The following NUP160 variants were observed in gnomAD, a reference collection of about 807,000 sequenced individuals.
NUP160 encodes the protein nucleoporin 160, also known as nuclear pore complex protein Nup160.
Under a neutral mutation model 196.9 loss-of-function variants are expected in NUP160, and 94 were observed. The ratio of observed to expected loss-of-function variants is 0.48; its 90% confidence interval spans 0.40 to 0.57. NUP160 has a LOEUF of 0.57. Ranked by LOEUF, NUP160 falls within the 20% of genes least tolerant of loss-of-function variation. NUP160 has a pLI of 0.00. For missense variants in NUP160, 1,638 were observed against 1,748.3 expected, an observed-to-expected ratio of 0.94 and a Z score of 1.13; for synonymous variants, 605 against 619.7, an observed-to-expected ratio of 0.98 and a Z score of 0.35.
In NUP160 at chr11:47,827,183, G is replaced by A. The variant is rs116768087; in HGVS notation, c.1102-5019C>T. 3.4e-3 allele frequency: 1,563 copies of A among 455,616 alleles called. 21 individuals carry two copies. The highest frequency in any genetic ancestry group is 0.027 in the African/African-American group (1,377 of 50,098). The allele number at this position is 455,616 out of a possible 1,614,324, so 28.2% of individuals were successfully genotyped here. A position where few individuals can be genotyped will look rare whatever the true frequency, so the allele number is the denominator to read the frequency against. ...GGAGTTTGAGACCAGGCAACATGGC[G>A]AAACCCCGTCTCTACCAAAAATACA... On this transcript the variant is annotated intron_variant, in intron 7 of 35. Coordinates refer to ENST00000378460, the Ensembl canonical transcript of NUP160.
chr11:47,794,975 C>T (rs946735834), intron 27 of NUP160, among the ~76,000 whole-genome samples: 1 of 152,000 alleles, frequency 6.6e-6, no homozygotes, highest in African/African-American at 2.4e-5. Context: ...GTGGTAGGTG[C>T]CTGTAATCCC....
intron 7 of NUP160, among the ~76,000 whole-genome samples, chr11:47,832,966 C>T (rs529165163): frequency 1.3e-5 from 2 of 152,166 alleles, no homozygotes; most frequent in South Asian, 4.1e-4. Context: ...AATAGATTAG[C>T]AGTTGTGTAG....
At chr11:47,798,141 C>G (rs1225205911) in intron 25 of NUP160, 27 bp downstream of exon 25, 6 of 1,576,542 alleles carry the variant, frequency 3.8e-6, no homozygotes, top group Admixed American at 1.7e-5. Flanking sequence ...GGTAAATTGT[C>G]TTCTCTAAAA....
At chr11:47,797,301 G>A (rs1037476029) in intron 27 of NUP160, among the ~76,000 whole-genome samples, 2 of 151,970 alleles carry the variant, frequency 1.3e-5, no homozygotes, top group South Asian at 4.2e-4. Flanking sequence ...CGTGATCTTG[G>A]CTCACTGTAA....
chr11:47,804,678 G>T (rs192197635), intron 20 of NUP160, 60 bp from the exon 21 acceptor site: 3 of 1,143,234 alleles, frequency 2.6e-6, no homozygotes, highest in Admixed American at 2.9e-5. Flanking sequence ...CATATACATT[G>T]GGCATCAAAT....
intron 7 of NUP160, among the ~76,000 whole-genome samples, chr11:47,831,525 A>G (rs185065710): frequency 2.6e-5 from 4 of 152,274 alleles, no homozygotes; most frequent in East Asian, 3.9e-4. Context: ...CGCAAAAATC[A>G]TAACAGTGAG....
chr11:47,813,278 G>T, intron 14 of NUP160, 38 bp downstream of exon 14: 6 of 1,395,492 alleles, frequency 4.3e-6, no homozygotes, highest in Non-Finnish European at 6.1e-6. Context: ...GGTTTATATA[G>T]GAAGGGGATT....
intron 27 of NUP160, among the ~76,000 whole-genome samples, chr11:47,793,684 A>G (rs1041997703): frequency 2.0e-5 from 3 of 151,218 alleles, no homozygotes; most frequent in Non-Finnish European, 4.4e-5. Context: ...TGACATATAA[A>G]TACAACAGAA....
At chr11:47,803,737 C>T (rs983169258) in intron 21 of NUP160, among the ~76,000 whole-genome samples, 1 of 152,144 alleles carries the variant, frequency 6.6e-6, no homozygotes, top group African/African-American at 2.4e-5. Flanking sequence ...AAACAGGAGT[C>T]CAGTAACACA....
chr11:47,828,929 A>G (rs1852025371), intron 7 of NUP160, among the ~76,000 whole-genome samples: 1 of 152,178 alleles, frequency 6.6e-6, no homozygotes, highest in Non-Finnish European at 1.5e-5. Flanking sequence ...TATTAAAAAA[A>G]AACCCCACAA....
intron 2 of NUP160, among the ~76,000 whole-genome samples, chr11:47,843,980 T>C (rs1033889933): frequency 1.3e-5 from 2 of 152,346 alleles, no homozygotes; most frequent in South Asian, 2.1e-4. Context: ...AAAACAAAAG[T>C]ACCTGCTTCA....
intron 22 of NUP160, among the ~76,000 whole-genome samples, chr11:47,802,967 C>G (rs563483048): frequency 1.3e-5 from 2 of 152,114 alleles, no homozygotes; most frequent in South Asian, 4.1e-4. Context: ...GTCTGGGTGA[C>G]AGAGCAAGAC....
rs553604161 is a variant in NUP160, at chr11:47,821,842, A to G, written c.1180-21T>C. Reference sequence around the variant, plus strand: ...GTCTCCTAGGAGGAAATGTGGGAAAAAAAGGGATAAAATAAGAAAGAAAGT... The same window carrying G: ...GTCTCCTAGGAGGAAATGTGGGAAAGAAAGGGATAAAATAAGAAAGAAAGT... On this transcript the variant is annotated intron_variant, in intron 8 of 35. Transcript: ENST00000378460. 18 of 1,564,472 alleles carry G rather than the reference A, an allele frequency of 1.2e-5. No homozygotes were observed. The African/African-American group carries it at 1.5e-4, about 13-fold the overall frequency.
At chr11:47,791,158 CT>C (rs35849464) in intron 29 of NUP160, among the ~76,000 whole-genome samples, 5,027 of 151,052 alleles carry the variant, frequency 0.033, 279 homozygotes, top group African/African-American at 0.12. Context: ...ATTTTCTCTT[CT>C]TTTTTTTTAC....
At chr11:47,782,711 T>C (rs2097662169) in intron 34 of NUP160, among the ~76,000 whole-genome samples, 1 of 152,074 alleles carries the variant, frequency 6.6e-6, no homozygotes, top group Non-Finnish European at 1.5e-5. Flanking sequence ...CAGGCTGGAG[T>C]GCAGTGGCAT....
In NUP160 at chr11:47,815,459, C is replaced by T. The variant is rs367636039; in HGVS notation, c.1686+20G>A. 25 of 1,560,558 alleles carry T rather than the reference C, an allele frequency of 1.6e-5. No homozygotes were observed. The highest frequency in any genetic ancestry group is 2.3e-5 in the East Asian group (1 of 43,514). On this transcript the variant is annotated intron_variant, in intron 13 of 35. Coordinates refer to ENST00000378460, the Ensembl canonical transcript of NUP160. ...CTGAACTGTCTCAAGAAGGTCTTCT[C>T]TATGCTTTAGCTCACTTACTTTTTT...
intron 17 of NUP160, among the ~76,000 whole-genome samples, chr11:47,809,925 A>G (rs1002226209): frequency 7.9e-5 from 12 of 152,064 alleles, no homozygotes; most frequent in Non-Finnish European, 7.4e-5. Context: ...AAACGTATAT[A>G]GCAAAATTTA....
At chr11:47,840,889 G>A (rs941346164) in intron 2 of NUP160, among the ~76,000 whole-genome samples, 1 of 151,998 alleles carries the variant, frequency 6.6e-6, no homozygotes, top group Non-Finnish European at 1.5e-5. Context: ...CCATACCCCG[G>A]CCATTGCTTG....
intron 28 of NUP160, 48 bp from the exon 29 acceptor site, chr11:47,792,038 T>A: frequency 2.4e-6 from 3 of 1,261,078 alleles, no homozygotes; most frequent in Non-Finnish European, 2.3e-6. Flanking sequence ...AGTATTTTAT[T>A]CTGATATCAT....
Sources: allele counts gnomAD v4.1 joint callset (sites outside exome capture counted in the v4.1 genomes callset), GRCh38; gene constraint gnomAD v4.1.1; transcripts MANE v1.5; gene names NCBI Gene and HGNC (gene_info 2026-07-23, HGNC 2026-07-21).